The following RGS7 variants were observed in gnomAD, a reference collection of about 807,000 sequenced individuals.
RGS7 encodes the protein regulator of G protein signaling 7.
In RGS7, 27 loss-of-function variants were observed where a neutral mutation model predicts 81.1. The observed-to-expected ratio is 0.33, with a 90% CI of 0.25 to 0.46. The LOEUF is 0.46. Ranked by LOEUF, RGS7 falls within the 20% of genes least tolerant of loss-of-function variation. The pLI, the probability that RGS7 is intolerant of heterozygous loss-of-function variation, is 1.00. For synonymous variants in RGS7, 208 were observed against 207.7 expected, an observed-to-expected ratio of 1.00 and a Z score of -0.01; for missense variants, 396 against 607.4, an observed-to-expected ratio of 0.65 and a Z score of 3.66.
At chr1:241,108,265 T>C (rs1185340132) in intron 2 of RGS7, among the ~76,000 whole-genome samples, 12 of 135,002 alleles carry the variant, frequency 8.9e-5, no homozygotes, top group Admixed American at 7.9e-4. Context: ...AACACACCAC[T>C]GCACTCCAGC....
chr1:241,356,333 G>A (rs1246121943), intron 1 of RGS7, among the ~76,000 whole-genome samples: 1 of 152,090 alleles, frequency 6.6e-6, no homozygotes, highest in Non-Finnish European at 1.5e-5. Context: ...CCAGCGCACG[G>A]GCTTCCTCTC....
chr1:241,003,322 G>A (rs996646232), intron 3 of RGS7, among the ~76,000 whole-genome samples: 12 of 151,972 alleles, frequency 7.9e-5, no homozygotes, highest in Non-Finnish European at 1.6e-4. Flanking sequence ...TTAGCCGGGC[G>A]TCGTGGCAGG....
intron 18 of RGS7, among the ~76,000 whole-genome samples, chr1:240,793,611 A>ATATATATATATATTTTTTTTTT: frequency 2.5e-5 from 2 of 78,812 alleles, no homozygotes; most frequent in African/African-American, 1.9e-4. Context: ...ATATATATAT[A>ATATATATATATATTTTTTTTTT]TTTTTTTTTT....
At chr1:241,342,519 C>G (rs187096409) in intron 2 of RGS7, among the ~76,000 whole-genome samples, 1 of 152,132 alleles carries the variant, frequency 6.6e-6, no homozygotes, top group Non-Finnish European at 1.5e-5. Flanking sequence ...CTTTCCTCAG[C>G]GGATAGTGAG....
chr1:240,985,432 T>C (rs1685511792), intron 3 of RGS7, among the ~76,000 whole-genome samples: 1 of 148,956 alleles, frequency 6.7e-6, no homozygotes. Context: ...TTACGCTTTC[T>C]TTCCTTTTCT....
chr1:240,877,021 T>C (rs1433044707), intron 6 of RGS7, among the ~76,000 whole-genome samples: 8 of 152,022 alleles, frequency 5.3e-5, no homozygotes, highest in South Asian at 4.1e-4. Flanking sequence ...TCTAGGACTA[T>C]TACCCAAGGG....
At position 241,278,050 on chromosome 1, in the gene RGS7, G is replaced by A. The variant is rs12567269; in HGVS notation, c.78+77649C>T. 5.9e-4 allele frequency among the ~76,000 whole-genome samples: 89 copies of A among 152,106 alleles called. No individual in the cohort carries two copies. In the East Asian group the frequency reaches 0.013, roughly 21 times the overall value. ...TGCTCATGTTGTCTTTGTTTTGCCC[G>A]CTGTTCTCAGTGCCGTCACAGCGAT... On this transcript the variant is annotated intron_variant, in intron 2 of 18. Coordinates refer to ENST00000440928, the MANE Select transcript of RGS7 (RefSeq NM_001364886.1).
intron 7 of RGS7, 116 bp downstream of exon 7, chr1:240,869,939 T>A: frequency 1.1e-6 from 1 of 945,922 alleles, no homozygotes; most frequent in Non-Finnish European, 1.7e-6. Context: ...AAACTCCATC[T>A]CAAAAAAAAG....
At position 241,271,352 on chromosome 1, in the gene RGS7, C is replaced by A. The variant is rs1490173145; in HGVS notation, c.78+84347G>T. Among the ~76,000 whole-genome samples, 1 of 152,110 alleles carries A rather than the reference C, an allele frequency of 6.6e-6. No homozygotes were observed. The highest frequency in any genetic ancestry group is 1.5e-5 in the Non-Finnish European group (1 of 68,024). On this transcript the variant is annotated intron_variant, in intron 2 of 18. Coordinates refer to ENST00000440928, the MANE Select transcript of RGS7 (RefSeq NM_001364886.1). The surrounding 1 kb of genome is among the most constrained non-coding windows in gnomAD (Gnocchi z 4.6). ...CTGTACTGAACTGAAATTTTTATGC[C>A]TCAACATTTTTTTACAAAAGGAAAT...
intron 2 of RGS7, among the ~76,000 whole-genome samples, chr1:241,134,190 T>A (rs140243744): frequency 4.7e-4 from 71 of 152,380 alleles, no homozygotes; most frequent in African/African-American, 1.7e-3. Flanking sequence ...CACATATGGC[T>A]GGTGGCTACT....
At chr1:241,180,947 C>G (rs1204146840) in intron 2 of RGS7, among the ~76,000 whole-genome samples, 1 of 152,142 alleles carries the variant, frequency 6.6e-6, no homozygotes, top group Non-Finnish European at 1.5e-5. Flanking sequence ...GTGAAGGAAG[C>G]CAATCCAAAA....
chr1:241,340,133 C>T (rs1425531245), intron 2 of RGS7, among the ~76,000 whole-genome samples: 2 of 152,106 alleles, frequency 1.3e-5, no homozygotes, highest in Non-Finnish European at 2.9e-5. Context: ...ATTCCCATCC[C>T]TAATGATCTA....
intron 2 of RGS7, among the ~76,000 whole-genome samples, chr1:241,333,057 C>T (rs2082057178): frequency 6.6e-6 from 1 of 152,176 alleles, no homozygotes; most frequent in Non-Finnish European, 1.5e-5. Flanking sequence ...AATACAAGGT[C>T]TTATTTTGTT....
chr1:240,918,164 C>CCA (rs1672903447), intron 6 of RGS7, among the ~76,000 whole-genome samples: 1 of 152,054 alleles, frequency 6.6e-6, no homozygotes, highest in Non-Finnish European at 1.5e-5. Context: ...CTGGAGGCTT[C>CCA]CACACACATA....
chr1:240,951,611 C>G (rs1679572898), intron 4 of RGS7, among the ~76,000 whole-genome samples: 1 of 151,808 alleles, frequency 6.6e-6, no homozygotes, highest in African/African-American at 2.4e-5. Flanking sequence ...AAAAAAATAA[C>G]AAGGAAAACA....
At chr1:240,915,741 A>G (rs1173200007) in intron 6 of RGS7, among the ~76,000 whole-genome samples, 2 of 152,212 alleles carry the variant, frequency 1.3e-5, no homozygotes, top group Non-Finnish European at 2.9e-5. Flanking sequence ...TTGAAGAGTC[A>G]GAGCAAGCAT....
chr1:241,111,716 T>C (rs1233616269), intron 2 of RGS7, among the ~76,000 whole-genome samples: 3 of 152,174 alleles, frequency 2.0e-5, no homozygotes, highest in Non-Finnish European at 1.5e-5. Context: ...CTCCAACACC[T>C]TCACACAACT....
At chr1:240,932,425 G>A (rs1675610533) in intron 5 of RGS7, among the ~76,000 whole-genome samples, 1 of 151,708 alleles carries the variant, frequency 6.6e-6, no homozygotes, top group Non-Finnish European at 1.5e-5. Flanking sequence ...TTGAGAATTC[G>A]ATTTCTTAAA....
chr1:240,870,209 C>G (rs1664236325), intron 6 of RGS7, 90 bp from the exon 7 acceptor site: 2 of 1,096,152 alleles, frequency 1.8e-6, no homozygotes, highest in Non-Finnish European at 2.8e-6. Flanking sequence ...GGGCATTGCA[C>G]TTTTTTCCCA....
Sources: allele counts gnomAD v4.1 joint callset (sites outside exome capture counted in the v4.1 genomes callset), GRCh38; gene constraint gnomAD v4.1.1; non-coding constraint Gnocchi (gnomAD v3.1); transcripts MANE v1.5; gene names NCBI Gene and HGNC (gene_info 2026-07-23, HGNC 2026-07-21).